The following SBF2 variants were observed in gnomAD, a reference collection of about 807,000 sequenced individuals.
SBF2 encodes the protein myotubularin-related protein 13.
SBF2 carries 112 observed loss-of-function variants against 225.2 expected under a neutral mutation model. The observed-to-expected ratio is 0.50, with a 90% CI of 0.43 to 0.58. SBF2 has a LOEUF of 0.58. SBF2 is among the 20% of genes least tolerant of loss of function. The probability of loss-of-function intolerance (pLI) is 0.00; values close to 1 mark genes in which losing one functional copy is unlikely to be tolerated. For synonymous variants in SBF2, 763 were observed against 773.3 expected (o/e 0.99, Z 0.22); for missense variants, 1,996 against 2,206.2 (o/e 0.90, Z 1.91).
At chr11:10,184,139 GA>G (rs541342161) in intron 2 of SBF2, among the ~76,000 whole-genome samples, 143 of 151,592 alleles carry the variant, frequency 9.4e-4, no homozygotes, top group African/African-American at 3.3e-3. Context: ...AAAATAAAAG[GA>G]AAAAACAAAA....
At chr11:9,988,373 C>T (rs1299023860) in intron 13 of SBF2, among the ~76,000 whole-genome samples, 3 of 152,094 alleles carry the variant, frequency 2.0e-5, no homozygotes, top group African/African-American at 7.2e-5. Flanking sequence ...ACCAAGAACC[C>T]AAAAGCAAAT....
chr11:10,121,952 T>C (rs544692674), intron 2 of SBF2, among the ~76,000 whole-genome samples: 137 of 152,338 alleles, frequency 9.0e-4, no homozygotes, highest in African/African-American at 3.1e-3. Flanking sequence ...TTATGATGAC[T>C]GCTGAAGTAT....
rs1475155503 is a variant in SBF2 at position 9,846,949 on chromosome 11, T to G, written c.2934+7A>C. On this transcript the variant is annotated splice_region_variant and intron_variant, in intron 23 of 39. Transcript: ENST00000256190. ...AATAGTAAAACAATGGCTTCCTTTT[T>G]TAATACCTGAAAAGATGCTGATGTG... is the stretch of plus-strand genomic sequence containing the variant. 6.8e-6 allele frequency: 11 copies of G among 1,613,526 alleles called. No individual in the cohort carries two copies. The highest frequency in any genetic ancestry group is 6.7e-5 in the East Asian group (3 of 44,890).
rs552546449 is a variant in SBF2, at chr11:9,933,439, C to A, written c.1860+28518G>T. ...GCATGCCTCAGCAAATGTAAAAGAA[C>A]AGAAATCACAACAAACTGTGTCTCA... On this transcript the variant is annotated intron_variant, in intron 16 of 39. Coordinates refer to ENST00000256190, the MANE Select transcript of SBF2 (RefSeq NM_030962.4). Among the ~76,000 whole-genome samples, 3 of 152,152 alleles carry A rather than the reference C, an allele frequency of 2.0e-5. 1 individual carries two copies. The South Asian group carries it at 6.2e-4, about 31-fold the overall frequency.
At chr11:9,973,045 T>C (rs1245349652) in intron 13 of SBF2, among the ~76,000 whole-genome samples, 7 of 152,200 alleles carry the variant, frequency 4.6e-5, no homozygotes, top group Non-Finnish European at 7.3e-5. Flanking sequence ...AATATTTGGT[T>C]TTCTGGCTCC....
Position 10,028,548 on chromosome 11 carries a change from A to C in SBF2, c.523T>G (p.Ser175Ala). The C allele has an allele frequency of 6.2e-7, 1 of 1,610,186 alleles. No homozygotes were observed. The highest frequency in any genetic ancestry group is 8.5e-7 in the Non-Finnish European group (1 of 1,176,458). Reference protein sequence around the residue: ...PAAGGSQKLFSLGAGDRQLIQ... With the variant: ...PAAGGSQKLFALGAGDRQLIQ... ...AACTGTCTATCTCCTGCACCCAAAG[A>C]AAACAGCTTCTGCAGAATGGGAGAA... The change falls in exon 6 of 40, where the codon TCT (serine) becomes GCT (alanine). Residue 175 changes from serine (S) to alanine (A), a missense_variant. By Grantham distance (99) the Ser-to-Ala change is moderately conservative (BLOSUM62 1). Transcript: ENST00000256190.
At chr11:9,828,064 G>A in intron 28 of SBF2, 1 of 1,003,920 alleles carries the variant, frequency 1.0e-6, no homozygotes, top group Non-Finnish European at 1.3e-6. Context: ...CAACTATCTA[G>A]AAAAATGCTT....
At position 9,850,102 on chromosome 11, in the gene SBF2, A is replaced by G; in HGVS notation, c.2727T>C (p.Pro909=). The G allele has an allele frequency of 6.2e-7, 1 of 1,614,150 alleles. No individual in the cohort carries two copies. The highest frequency in any genetic ancestry group is 8.5e-7 in the Non-Finnish European group (1 of 1,180,010). Residue 909 remains proline, a synonymous_variant, in exon 22 of 40, where the codon CCT becomes CCC. Coordinates refer to ENST00000256190, the MANE Select transcript of SBF2 (RefSeq NM_030962.4). ...AGGCTCCTTCTGCTGGCAGGAGCTG[A>G]GGGCCTCCAAGAAGACCTCCAGTAG... ...EEATGGLLGG[P]QLLPAEGALF... is the part of the protein sequence containing the mutation.
intron 29 of SBF2, 45 bp downstream of exon 29, chr11:9,816,795 C>T (rs1422253089): frequency 1.3e-6 from 2 of 1,584,142 alleles, no homozygotes; most frequent in Admixed American, 1.7e-5. Flanking sequence ...ATCAACAGCC[C>T]TAGCGTATCC....
At chr11:9,809,959 T>C (rs1426544864) in intron 30 of SBF2, among the ~76,000 whole-genome samples, 2 of 152,172 alleles carry the variant, frequency 1.3e-5, no homozygotes, top group Non-Finnish European at 2.9e-5. Context: ...ATAAATTTTA[T>C]GGTAAGTGAA....
chr11:9,985,220 C>T (rs1947146782), intron 13 of SBF2, among the ~76,000 whole-genome samples: 1 of 152,190 alleles, frequency 6.6e-6, no homozygotes, highest in East Asian at 1.9e-4. Flanking sequence ...ACCTAACATA[C>T]ATAACGACTC....
intron 39 of SBF2, 56 bp downstream of exon 39, chr11:9,781,451 G>T: frequency 6.2e-7 from 1 of 1,610,424 alleles, no homozygotes; most frequent in Non-Finnish European, 8.5e-7. Context: ...CATTCTTGGA[G>T]ACAGACAGAA....
intron 1 of SBF2, among the ~76,000 whole-genome samples, chr11:10,286,166 G>GCGCGCA (rs373771420): frequency 5.6e-4 from 82 of 147,356 alleles, no homozygotes; most frequent in South Asian, 1.7e-3. Context: ...ACACGCACAC[G>GCGCGCA]CACACACACA....
chr11:10,298,086 T>A (rs935256050), upstream of SBF2, among the ~76,000 whole-genome samples: 9 of 152,250 alleles, frequency 5.9e-5, no homozygotes, highest in African/African-American at 2.2e-4. Flanking sequence ...ATACCTTTCT[T>A]TTTTGCTTTA....
chr11:9,782,748 G>A (rs1308395019), intron 38 of SBF2, among the ~76,000 whole-genome samples: 1 of 152,056 alleles, frequency 6.6e-6, no homozygotes, highest in Non-Finnish European at 1.5e-5. Context: ...GCAGGCGCCT[G>A]TAATCCCAGC....
intron 16 of SBF2, among the ~76,000 whole-genome samples, chr11:9,924,961 C>A (rs966250219): frequency 2.6e-5 from 4 of 152,004 alleles, no homozygotes; most frequent in Non-Finnish European, 5.9e-5. Flanking sequence ...GTTGCCCAGG[C>A]TGGTCTTGAA....
chr11:9,847,963 A>G (rs1856671038), intron 22 of SBF2, among the ~76,000 whole-genome samples: 1 of 152,154 alleles, frequency 6.6e-6, no homozygotes, highest in Admixed American at 6.5e-5. Context: ...TTGAGAGAGA[A>G]GATGGAGCTT....
chr11:9,787,673 C>G lies in SBF2; in HGVS notation c.4998G>C (p.Arg1666Ser), dbSNP rs780895916. 1 of 1,614,044 alleles carries G rather than the reference C, an allele frequency of 6.2e-7. No individual in the cohort carries two copies. The highest frequency in any genetic ancestry group is 8.5e-7 in the Non-Finnish European group (1 of 1,180,032). ...GTTCTTCTTTAAGGTCCACGGTTAC[C>G]CTTTCCCACAGCTGCTGCCACTTCT... is the stretch of plus-strand genomic sequence containing the variant. ...APEKWQQLWE[R>S]VTVDLKEEPR... The change falls in exon 36 of 40, where the codon AGG becomes AGC. Residue 1666 changes from arginine (R) to serine (S), a missense_variant. Transcript: ENST00000256190.
chr11:9,788,109 A>C, intron 35 of SBF2: 1 of 308,080 alleles, frequency 3.2e-6, no homozygotes, highest in South Asian at 3.4e-5. Flanking sequence ...GCTGAGGTAG[A>C]TGAGAAGCCA....
Sources: gnomAD v4.1 joint callset for allele counts (sites outside exome capture counted in the v4.1 genomes callset) on GRCh38, gnomAD v4.1.1 for gene constraint, MANE v1.5 for transcripts, NCBI Gene and HGNC (gene_info 2026-07-23, HGNC 2026-07-21) for gene names.